Variants in CFAP299 observed in about 807,000 individuals in gnomAD.
CFAP299 encodes the protein cilia and flagella associated protein 299, also known as cilia- and flagella-associated protein 299.
CFAP299 carries 21 observed loss-of-function variants against 27.0 expected under a neutral mutation model. The observed-to-expected ratio is 0.78, with a 90% CI of 0.55 to 1.12. CFAP299 has a LOEUF of 1.12. Ranked by LOEUF, CFAP299 falls within the 50% of genes most tolerant of loss-of-function variation. The pLI, the probability that CFAP299 is intolerant of heterozygous loss-of-function variation, is 0.00. For synonymous variants in CFAP299, 104 were observed against 98.1 expected (o/e 1.06, Z -0.36); for missense variants, 310 against 276.6 (o/e 1.12, Z -0.86).
At chr4:80,762,151 A>ATG (rs1414224173) in intron 3 of CFAP299, among the ~76,000 whole-genome samples, 1 of 151,766 alleles carries the variant, frequency 6.6e-6, no homozygotes, top group Non-Finnish European at 1.5e-5. Context: ...ATATATATAT[A>ATG]TTACATTTTA....
At chr4:80,353,094 AAT>A (rs1054040471) in intron 1 of CFAP299, among the ~76,000 whole-genome samples, 3 of 152,200 alleles carry the variant, frequency 2.0e-5, no homozygotes, top group African/African-American at 7.2e-5. Flanking sequence ...ATTGAAAAAT[AAT>A]AGAGATCAAT....
chr4:80,514,119 C>A (rs72874095), intron 2 of CFAP299, among the ~76,000 whole-genome samples: 12 of 151,774 alleles, frequency 7.9e-5, no homozygotes, highest in Admixed American at 3.3e-4. Context: ...TTTTTAAGGT[C>A]GTGTTAGAAA....
At chr4:80,453,509 AT>A (rs1728993563) in intron 2 of CFAP299, among the ~76,000 whole-genome samples, 1 of 151,982 alleles carries the variant, frequency 6.6e-6, no homozygotes, top group African/African-American at 2.4e-5. Context: ...AAATAATTTA[AT>A]TTTTTTCATA....
intron 1 of CFAP299, among the ~76,000 whole-genome samples, chr4:80,356,945 C>G (rs1218097565): frequency 6.6e-6 from 1 of 151,990 alleles, no homozygotes; most frequent in South Asian, 2.1e-4. Context: ...CAGCTTTTGC[C>G]CATTCAGTAT....
At chr4:80,960,605 C>T (rs1265487610) in intron 5 of CFAP299, among the ~76,000 whole-genome samples, 1 of 151,716 alleles carries the variant, frequency 6.6e-6, no homozygotes, top group Non-Finnish European at 1.5e-5. Context: ...ACTACAAAAC[C>T]ACTACAATAG....
chr4:80,723,897 A>G (rs1014580630), intron 3 of CFAP299, among the ~76,000 whole-genome samples: 1 of 152,142 alleles, frequency 6.6e-6, no homozygotes. Context: ...TCATTTTGTT[A>G]TGAAAAATTT....
chr4:80,580,027 C>G (rs1433465735), intron 2 of CFAP299, among the ~76,000 whole-genome samples: 1 of 152,008 alleles, frequency 6.6e-6, no homozygotes, highest in Non-Finnish European at 1.5e-5. Flanking sequence ...CTGTAGTACC[C>G]TAACTGTATA....
chr4:80,402,988 A>G (rs781013082), intron 2 of CFAP299, among the ~76,000 whole-genome samples: 5 of 152,214 alleles, frequency 3.3e-5, no homozygotes, highest in Non-Finnish European at 7.3e-5. Flanking sequence ...AGATTAGGCA[A>G]TGGAGCTTTT....
intron 4 of CFAP299, among the ~76,000 whole-genome samples, chr4:80,926,475 T>C (rs2110214891): frequency 6.6e-6 from 1 of 152,096 alleles, no homozygotes; most frequent in South Asian, 2.1e-4. Context: ...CAAGAATTGA[T>C]GTACAATGAA....
chr4:80,505,412 T>A (rs938784115), intron 2 of CFAP299, among the ~76,000 whole-genome samples: 9 of 152,194 alleles, frequency 5.9e-5, no homozygotes, highest in Admixed American at 5.9e-4. Context: ...TGTCTTATTA[T>A]TACAAGACAA....
chr4:80,442,292 C>A (rs1382186830), intron 2 of CFAP299, among the ~76,000 whole-genome samples: 1 of 152,066 alleles, frequency 6.6e-6, no homozygotes, highest in Non-Finnish European at 1.5e-5. Flanking sequence ...CTAAAATTGA[C>A]CACATAATTA....
At chr4:80,647,594 G>T (rs944741840) in intron 3 of CFAP299, among the ~76,000 whole-genome samples, 10 of 152,058 alleles carry the variant, frequency 6.6e-5, no homozygotes, top group African/African-American at 1.9e-4. Context: ...CCCCCTTAGT[G>T]GGATACTGCT....
At chr4:80,559,093 T>G (rs1310634098) in intron 2 of CFAP299, among the ~76,000 whole-genome samples, 2 of 152,170 alleles carry the variant, frequency 1.3e-5, no homozygotes, top group Admixed American at 1.3e-4. Context: ...GTGGTATCTG[T>G]TAGGGCTGGA....
chr4:80,532,643 A>G (rs1297985740), intron 2 of CFAP299, among the ~76,000 whole-genome samples: 1 of 152,262 alleles, frequency 6.6e-6, no homozygotes, highest in Non-Finnish European at 1.5e-5. Flanking sequence ...TAGGTAAATT[A>G]TATAAATCCC....
At chr4:80,342,507 C>A (rs933938836) in intron 1 of CFAP299, among the ~76,000 whole-genome samples, 23 of 152,162 alleles carry the variant, frequency 1.5e-4, no homozygotes, top group African/African-American at 5.3e-4. Context: ...AGATTGCAGA[C>A]CAATGTTCAA....
At chr4:80,829,261 A>G (rs1730164436) in intron 3 of CFAP299, among the ~76,000 whole-genome samples, 1 of 152,064 alleles carries the variant, frequency 6.6e-6, no homozygotes, top group Non-Finnish European at 1.5e-5. Flanking sequence ...TCAAAAGTAT[A>G]AAAGGACTTG....
chr4:80,604,925 T>C (rs1169287512), intron 3 of CFAP299, among the ~76,000 whole-genome samples: 1 of 147,004 alleles, frequency 6.8e-6, no homozygotes, highest in Admixed American at 6.8e-5. Flanking sequence ...TAGGAAAGGA[T>C]AAGGGAGAGG....
chr4:80,760,105 A>G (rs1560737462), intron 3 of CFAP299, among the ~76,000 whole-genome samples: 1 of 152,024 alleles, frequency 6.6e-6, no homozygotes, highest in African/African-American at 2.4e-5. Flanking sequence ...AATTCATTCA[A>G]TTTTTTCCTG....
chr4:80,959,399 A>G (rs192638162), intron 5 of CFAP299, among the ~76,000 whole-genome samples: 201 of 152,256 alleles, frequency 1.3e-3, no homozygotes, highest in African/African-American at 4.7e-3. Context: ...GTCATTAGGC[A>G]AAACACTGCT....
Sources: gnomAD v4.1 joint callset for allele counts (sites outside exome capture counted in the v4.1 genomes callset) on GRCh38, gnomAD v4.1.1 for gene constraint, MANE v1.5 for transcripts, NCBI Gene and HGNC (gene_info 2026-07-23, HGNC 2026-07-21) for gene names.